GFRA1: variants seen among roughly 807,000 people sequenced by gnomAD.
GFRA1 encodes GDNF family receptor alpha-1.
GFRA1 carries 16 observed loss-of-function variants against 51.6 expected under a neutral mutation model. The observed-to-expected ratio is 0.31, with a 90% CI of 0.21 to 0.47. The LOEUF is 0.47. GFRA1 is among the 20% of genes least tolerant of loss of function. The pLI is 1.00. For synonymous variants in GFRA1, 270 were observed against 241.3 expected, an observed-to-expected ratio of 1.12 and a Z score of -1.10; for missense variants, 530 against 594.3, an observed-to-expected ratio of 0.89 and a Z score of 1.13.
intron 9 of GFRA1, among the ~76,000 whole-genome samples, chr10:116,086,165 G>A (rs1956091821): frequency 6.6e-6 from 1 of 152,200 alleles, no homozygotes; most frequent in African/African-American, 2.4e-5. Context: ...TGGGGCTGCT[G>A]TGAGGAGTGC....
intron 9 of GFRA1, among the ~76,000 whole-genome samples, chr10:116,080,818 G>A (rs956610155): frequency 6.6e-6 from 1 of 152,168 alleles, no homozygotes; most frequent in Non-Finnish European, 1.5e-5. Flanking sequence ...CCATGGTGTG[G>A]GGAGGAGGGC....
At chr10:116,117,019 C>G (rs919706913) in intron 6 of GFRA1, among the ~76,000 whole-genome samples, 2 of 152,184 alleles carry the variant, frequency 1.3e-5, no homozygotes, top group Non-Finnish European at 1.5e-5. Context: ...TCATGAAAGA[C>G]AGTCATCTGG....
At chr10:116,267,951 AC>A (rs781713171) in intron 4 of GFRA1, among the ~76,000 whole-genome samples, 7,059 of 151,058 alleles carry the variant, frequency 0.047, 195 homozygotes, top group Admixed American at 0.062. Context: ...ACACACACAC[AC>A]ACACACACAC....
At chr10:116,140,679 A>C (rs1168086022) in intron 5 of GFRA1, among the ~76,000 whole-genome samples, 1 of 152,206 alleles carries the variant, frequency 6.6e-6, no homozygotes, top group Non-Finnish European at 1.5e-5. Flanking sequence ...AGAAAAAAAA[A>C]ACAAATGTCT....
At position 116,061,357 on chromosome 10, in the gene GFRA1, A is replaced by AGACTT. The variant is rs1164922627; in HGVS notation, c.*3036_*3040dup. ...TCTCAACTTATACTTTTTTTATTAC[A>AGACTT]GACTTGAAAAAAATCAGGTATGGAA... On this transcript the variant is annotated 3_prime_UTR_variant, in exon 11 of 11. Coordinates refer to ENST00000355422, the MANE Select transcript of GFRA1 (RefSeq NM_005264.8). The AGACTT allele has an allele frequency of 2.0e-5, 3 of 152,132 alleles. No homozygotes were observed. The highest frequency in any genetic ancestry group is 1.3e-4 in the Admixed American group (2 of 15,260). The allele number at this position is 152,132 out of a possible 1,614,324, so 9.4% of individuals were successfully genotyped here.
intron 6 of GFRA1, among the ~76,000 whole-genome samples, chr10:116,104,669 G>A (rs7075026): frequency 0.022 from 3,361 of 152,290 alleles, 128 homozygotes; most frequent in African/African-American, 0.077. Flanking sequence ...CCCCCCGAGG[G>A]AAGTCTAGGT....
intron 4 of GFRA1, among the ~76,000 whole-genome samples, chr10:116,252,900 T>A (rs919841518): frequency 1.1e-4 from 17 of 152,170 alleles, no homozygotes; most frequent in Admixed American, 1.1e-3. Context: ...AAGGATGAAG[T>A]CAGGATGCAA....
chr10:116,196,846 TA>T (rs200772707), intron 5 of GFRA1, among the ~76,000 whole-genome samples: 1,169 of 81,080 alleles, frequency 0.014, 25 homozygotes, highest in African/African-American at 0.042. Flanking sequence ...TATATATATA[TA>T]TTTTTTTTCC....
intron 5 of GFRA1, among the ~76,000 whole-genome samples, chr10:116,134,071 C>T (rs1345303876): frequency 6.6e-6 from 1 of 152,140 alleles, no homozygotes; most frequent in Non-Finnish European, 1.5e-5. Context: ...AACTAGAAAT[C>T]TATTTCTATG....
At chr10:116,130,840 T>C (rs1958076022) in intron 5 of GFRA1, among the ~76,000 whole-genome samples, 1 of 152,136 alleles carries the variant, frequency 6.6e-6, no homozygotes, top group South Asian at 2.1e-4. Context: ...AGAAGAAACA[T>C]AAGATAATCT....
At chr10:116,167,914 G>C (rs1474460460) in intron 5 of GFRA1, among the ~76,000 whole-genome samples, 3 of 152,078 alleles carry the variant, frequency 2.0e-5, no homozygotes, top group African/African-American at 4.8e-5. Flanking sequence ...AAAATGTTAA[G>C]AGTCCATATA....
intron 5 of GFRA1, among the ~76,000 whole-genome samples, chr10:116,142,219 T>C (rs982269918): frequency 1.3e-5 from 2 of 152,236 alleles, no homozygotes; most frequent in Admixed American, 6.5e-5. Flanking sequence ...GTGTTTGTTA[T>C]ACACATCTCG....
At chr10:116,235,210 T>C (rs892574835) in intron 4 of GFRA1, among the ~76,000 whole-genome samples, 12 of 152,158 alleles carry the variant, frequency 7.9e-5, no homozygotes, top group Non-Finnish European at 7.4e-5. Context: ...TGAAGCTAGT[T>C]TGCCAAGGCC....
intron 6 of GFRA1, among the ~76,000 whole-genome samples, chr10:116,116,110 T>C (rs1056481702): frequency 6.6e-6 from 1 of 152,230 alleles, no homozygotes; most frequent in Admixed American, 6.5e-5. Flanking sequence ...TTTTTCTTTT[T>C]TGAGATTGAG....
In GFRA1 at chr10:116,166,780, C is replaced by CTTTTTTTTTT. The variant is rs530399969; in HGVS notation, c.434-41233_434-41224dup. On this transcript the variant is annotated intron_variant, in intron 5 of 10. Transcript: ENST00000355422. ...TCCCTTGAAGGATAGCAACAATCTT[C>CTTTTTTTTTT]TTTTTTTTTTTTTTTTTTTTTTTTT... is the stretch of plus-strand genomic sequence containing the variant. Among the ~76,000 whole-genome samples, 6 of 76,446 alleles carry CTTTTTTTTTT rather than the reference C, an allele frequency of 7.8e-5. 1 individual carries two copies. Among genetic ancestry groups the CTTTTTTTTTT allele is most frequent in the African/African-American group, 2.3e-4 (4 of 17,022 alleles). 50.2% of individuals were successfully genotyped at this position (76,446 alleles called of 152,430 possible).
chr10:116,069,216 T>C (rs1955257785), intron 9 of GFRA1, among the ~76,000 whole-genome samples: 1 of 152,220 alleles, frequency 6.6e-6, no homozygotes, highest in Non-Finnish European at 1.5e-5. Flanking sequence ...ATGCGTTTTA[T>C]TTTTTGAAAA....
At chr10:116,232,660 C>T (rs1169292106) in intron 4 of GFRA1, among the ~76,000 whole-genome samples, 1 of 152,174 alleles carries the variant, frequency 6.6e-6, no homozygotes, top group African/African-American at 2.4e-5. Flanking sequence ...CTTTTTACAG[C>T]TTGTTCTGAA....
chr10:116,168,845 C>T (rs1304752750), intron 5 of GFRA1, among the ~76,000 whole-genome samples: 3 of 152,186 alleles, frequency 2.0e-5, no homozygotes, highest in South Asian at 2.1e-4. Flanking sequence ...AGATTATACT[C>T]GTATCAGATT....
chr10:116,128,475 C>T (rs1364439920), intron 5 of GFRA1, among the ~76,000 whole-genome samples: 1 of 152,052 alleles, frequency 6.6e-6, no homozygotes, highest in Non-Finnish European at 1.5e-5. Context: ...CCTGTAATCC[C>T]AGCACTCTGA....
Sources: gnomAD v4.1 joint callset for allele counts (sites outside exome capture counted in the v4.1 genomes callset) on GRCh38, gnomAD v4.1.1 for gene constraint, MANE v1.5 for transcripts, NCBI Gene and HGNC (gene_info 2026-07-23, HGNC 2026-07-21) for gene names.